The following RBPMS variants were observed in gnomAD, a reference collection of about 807,000 sequenced individuals.
The protein encoded by RBPMS is RNA binding protein, mRNA processing factor.
Under a neutral mutation model 26.8 loss-of-function variants are expected in RBPMS, and 7 were observed. The ratio of observed to expected loss-of-function variants is 0.26; its 90% CI spans 0.15 to 0.49. The LOEUF (loss-of-function observed/expected upper bound fraction) is 0.49, where lower values mean the gene tolerates loss of function less well. Ranked by LOEUF, RBPMS falls within the 20% of genes least tolerant of loss-of-function variation. The probability of loss-of-function intolerance (pLI) is 0.98; values close to 1 mark genes in which losing one functional copy is unlikely to be tolerated. For synonymous variants in RBPMS, 96 were observed against 93.3 expected, an observed-to-expected ratio of 1.03 and a Z score of -0.17; for missense variants, 186 against 250.0, an observed-to-expected ratio of 0.74 and a Z score of 1.73.
intron 1 of RBPMS, among the ~76,000 whole-genome samples, chr8:30,386,061 A>C (rs887147324): frequency 6.6e-6 from 1 of 152,240 alleles, no homozygotes; most frequent in East Asian, 1.9e-4. Context: ...ACTTCTTAAC[A>C]TCCCACACAG....
chr8:30,490,616 C>T (rs369331146), intron 4 of RBPMS, among the ~76,000 whole-genome samples: 1 of 152,134 alleles, frequency 6.6e-6, no homozygotes. Context: ...CGTGCCTCCA[C>T]GCCCGGCTAA....
chr8:30,518,992 G>A (rs1421419105), intron 5 of RBPMS, among the ~76,000 whole-genome samples: 3 of 152,008 alleles, frequency 2.0e-5, no homozygotes, highest in African/African-American at 7.3e-5. Flanking sequence ...TCTCTCCCTT[G>A]TGACTTTGAG....
chr8:30,419,450 ATGTGTGTGTG>A (rs71278690), intron 1 of RBPMS, among the ~76,000 whole-genome samples: 33 of 143,176 alleles, frequency 2.3e-4, no homozygotes, highest in Admixed American at 2.0e-3. Context: ...CATCTCAAAA[ATGTGTGTGTG>A]TGTGTGTGTG....
At chr8:30,558,171 T>C (rs907700747) in intron 6 of RBPMS, 7 of 152,352 alleles carry the variant, frequency 4.6e-5, no homozygotes, top group African/African-American at 1.7e-4. Flanking sequence ...TTTTTTTTTT[T>C]CATGTTTTCC....
chr8:30,427,111 G>A (rs962673319), intron 1 of RBPMS, among the ~76,000 whole-genome samples: 7 of 152,090 alleles, frequency 4.6e-5, no homozygotes, highest in African/African-American at 1.2e-4. Flanking sequence ...TCTGTGTGCC[G>A]TCCTCAGCCT....
chr8:30,540,106 C>G (rs1563427192), intron 5 of RBPMS, among the ~76,000 whole-genome samples: 2 of 152,148 alleles, frequency 1.3e-5, no homozygotes, highest in Non-Finnish European at 2.9e-5. Flanking sequence ...TCCCTGCCCC[C>G]AGAAGAGGCA....
intron 1 of RBPMS, among the ~76,000 whole-genome samples, chr8:30,432,508 C>T (rs797002881): frequency 5.9e-5 from 9 of 152,284 alleles, no homozygotes; most frequent in African/African-American, 1.7e-4. Flanking sequence ...TGGAAGGAAA[C>T]GATTTCATCA....
chr8:30,475,896 G>A (rs915298584), intron 2 of RBPMS, among the ~76,000 whole-genome samples: 1 of 152,168 alleles, frequency 6.6e-6, no homozygotes, highest in African/African-American at 2.4e-5. Flanking sequence ...ACAGAGGTCA[G>A]GTGCCAGGTC....
chr8:30,395,461 C>CAAAAAAAAAAAAAAAAAAAAAAAAAAAAA (rs55914538), intron 1 of RBPMS, among the ~76,000 whole-genome samples: 3 of 43,798 alleles, frequency 6.8e-5, no homozygotes, highest in Non-Finnish European at 1.0e-4. Context: ...GACTCTGTCT[C>CAAAAAAAAAAAAAAAAAAAAAAAAAAAAA]AAAAAAAAAA....
chr8:30,549,804 T>TCTCTCCCCCTCC (rs1383466717), intron 6 of RBPMS, among the ~76,000 whole-genome samples: 1 of 102,796 alleles, frequency 9.7e-6, no homozygotes, highest in African/African-American at 4.6e-5. Context: ...CTCCCCTCTC[T>TCTCTCCCCCTCC]CCTCTCTCTC....
intron 1 of RBPMS, among the ~76,000 whole-genome samples, chr8:30,451,881 C>T (rs535311555): frequency 8.5e-5 from 13 of 152,172 alleles, no homozygotes; most frequent in Non-Finnish European, 1.9e-4. Context: ...GTCATTAGCC[C>T]GAAACCATCA....
intron 3 of RBPMS, 145 bp from the exon 4 acceptor site, chr8:30,479,170 A>C (rs1818017517): frequency 1.6e-6 from 1 of 644,800 alleles, no homozygotes; most frequent in African/African-American, 1.9e-5. Flanking sequence ...CTGAGTCATG[A>C]TTCTTCGGGA....
At chr8:30,477,417 C>G (rs1817820133) in intron 2 of RBPMS, among the ~76,000 whole-genome samples, 1 of 152,152 alleles carries the variant, frequency 6.6e-6, no homozygotes, top group Non-Finnish European at 1.5e-5. Context: ...ATGGCTCTGA[C>G]CTTCCTGTTG....
chr8:30,481,359 C>T (rs570605478), intron 4 of RBPMS, among the ~76,000 whole-genome samples: 3 of 152,142 alleles, frequency 2.0e-5, no homozygotes, highest in South Asian at 2.1e-4. Context: ...CTGAGTACAG[C>T]GAACATAATT....
rs1354291725 is a variant in RBPMS, at chr8:30,556,072, C to A, written c.529-2815C>A. ...GAGCCTCTCAGGCTGGAAGAGGAGGCAGCCGTGGGTGTCTGTGGATGCGGT... is the reference window on the plus strand; with the variant it reads ...GAGCCTCTCAGGCTGGAAGAGGAGGAAGCCGTGGGTGTCTGTGGATGCGGT... On this transcript the variant is annotated intron_variant, in intron 6 of 8. Transcript: ENST00000397323. 3 of 985,450 alleles carry A rather than the reference C, an allele frequency of 3.0e-6. No individual in the cohort carries two copies. In the East Asian group the frequency reaches 3.4e-4, roughly 112 times the overall value. The allele number at this position is 985,450 out of a possible 1,614,324, so 61.0% of individuals were successfully genotyped here.
intron 5 of RBPMS, among the ~76,000 whole-genome samples, chr8:30,542,331 G>T (rs955371378): frequency 9.2e-5 from 14 of 152,196 alleles, no homozygotes; most frequent in Non-Finnish European, 2.9e-5. Flanking sequence ...CCAGCAGTCA[G>T]GCTGACACTG....
intron 6 of RBPMS, chr8:30,555,907 C>A (rs1266544415): frequency 5.1e-6 from 5 of 984,780 alleles, no homozygotes; most frequent in Non-Finnish European, 6.0e-6. Flanking sequence ...GCAGCTTGTT[C>A]CCCCCCACCG....
intron 5 of RBPMS, among the ~76,000 whole-genome samples, chr8:30,523,994 C>A (rs1166325463): frequency 6.6e-6 from 1 of 152,050 alleles, no homozygotes; most frequent in African/African-American, 2.4e-5. Context: ...CTCTCATTCT[C>A]TCTCATGTTC....
chr8:30,413,856 C>A (rs1809741804), intron 1 of RBPMS, among the ~76,000 whole-genome samples: 2 of 152,134 alleles, frequency 1.3e-5, no homozygotes, highest in African/African-American at 2.4e-5. Flanking sequence ...CATGATCTGC[C>A]TGCCTCAGCC....
Sources: allele counts gnomAD v4.1 joint callset (sites outside exome capture counted in the v4.1 genomes callset), GRCh38; gene constraint gnomAD v4.1.1; transcripts MANE v1.5; gene names NCBI Gene and HGNC (gene_info 2026-07-23, HGNC 2026-07-21).